Variants in PHF6 observed in about 807,000 individuals in gnomAD.
PHF6 encodes PHD-like zinc finger protein.
PHF6 carries 7 observed loss-of-function variants against 34.0 expected under a neutral mutation model. That is an observed-to-expected ratio of 0.21 (90% CI 0.12 to 0.39). The LOEUF (loss-of-function observed/expected upper bound fraction) is 0.39. Ranked by LOEUF, PHF6 falls within the 10% of genes least tolerant of loss-of-function variation. The pLI, the probability that PHF6 is intolerant of heterozygous loss-of-function variation, is 1.00. For missense variants in PHF6, 128 were observed against 262.8 expected (o/e 0.49, Z 3.55); for synonymous variants, 89 against 88.4 (o/e 1.01, Z -0.04).
intron 9 of PHF6, among the ~76,000 whole-genome samples, chrX:134,422,349 A>G (rs1347166635): frequency 8.9e-6 from 1 of 112,231 alleles, no homozygotes; most frequent in Non-Finnish European, 1.9e-5. Flanking sequence ...TTCAGTGACA[A>G]AACAAAAATA....
intron 3 of PHF6, among the ~76,000 whole-genome samples, chrX:134,387,889 GTGAC>G (rs1355324185): frequency 9.0e-6 from 1 of 111,682 alleles, no homozygotes; most frequent in African/African-American, 3.2e-5. Context: ...TCACTTTTCA[GTGAC>G]TGACAGCTTT....
intron 4 of PHF6, 98 bp from the exon 5 acceptor site, chrX:134,393,811 C>A: frequency 2.4e-6 from 2 of 827,199 alleles, no homozygotes; most frequent in Non-Finnish European, 3.6e-6. Flanking sequence ...TTGAATCCAG[C>A]TAGTGAATTG....
chrX:134,413,822 G>T lies in PHF6; in HGVS notation c.586-1G>T. 1 of 1,210,953 alleles carries T rather than the reference G, an allele frequency of 8.3e-7. No homozygotes were observed. ...GTTCGTTTTTTCTTTTACATTTGCA[G>T]AGAGATAGGTCTCCACACAGAAGCA... On this transcript the variant is annotated splice_acceptor_variant, in intron 6 of 10. Coordinates refer to ENST00000370803, the MANE Select transcript of PHF6 (RefSeq NM_001015877.2). LOFTEE classifies it high-confidence loss of function.
chrX:134,416,816 C>T (rs767805269), intron 8 of PHF6, among the ~76,000 whole-genome samples: 1 of 111,392 alleles, frequency 9.0e-6, no homozygotes, highest in African/African-American at 3.3e-5. Flanking sequence ...TTATTCTTTC[C>T]CCTAATCATA....
chrX:134,384,942 C>G lies in PHF6; in HGVS notation c.240+6836C>G, dbSNP rs770887652. Among the ~76,000 whole-genome samples, 181 of 111,810 alleles carry G rather than the reference C, an allele frequency of 1.6e-3. 1 individual carries two copies. The highest frequency in any genetic ancestry group is 5.2e-3 in the South Asian group (14 of 2,718). On this transcript the variant is annotated intron_variant, in intron 3 of 10. Transcript: ENST00000370803. ...CTGGGATTACAGGCGTGAGCCACTG[C>G]GCCCAGCCTGCCTTTTCTTTCTTAA...
Position 134,413,869 on chromosome X carries a change from A to G in PHF6, c.632A>G (p.Lys211Arg), listed in dbSNP as rs768181706. Reference protein sequence around the residue: ...HRSSPSDTRPKCGFCHVGEEE... With the variant: ...HRSSPSDTRPRCGFCHVGEEE... ...AGCAGCCCTAGTGACACCAGGCCTA[A>G]ATGTGGATTTTGCCATGTAGGGGAG... Residue 211 changes from lysine to arginine, a missense_variant, in exon 7 of 11, where the codon AAA becomes AGA. Lys to Arg is a conservative substitution (Grantham distance 26, BLOSUM62 2). Around this residue, in one of 3 missense-constraint regions of PHF6, gnomAD observed 97 missense variants for 152.9 expected, o/e 0.63. Transcript: ENST00000370803. 3.3e-6 allele frequency: 4 copies of G among 1,208,832 alleles called. No individual in the cohort carries two copies.
intron 5 of PHF6, among the ~76,000 whole-genome samples, chrX:134,404,055 A>G (rs937823530): frequency 8.9e-6 from 1 of 112,043 alleles, no homozygotes; most frequent in Non-Finnish European, 1.9e-5. Flanking sequence ...ATCAAGGAGT[A>G]CTTTGGACTT....
chrX:134,404,973 C>T (rs781346131), intron 5 of PHF6, among the ~76,000 whole-genome samples: 5 of 111,521 alleles, frequency 4.5e-5, no homozygotes, highest in African/African-American at 1.3e-4. Context: ...TGCTTTATTG[C>T]GATAACTTGC....
chrX:134,380,128 G>A (rs1267993934), intron 3 of PHF6, among the ~76,000 whole-genome samples: 1 of 109,381 alleles, frequency 9.1e-6, no homozygotes, highest in Non-Finnish European at 1.9e-5. Flanking sequence ...GAAGTTCAGT[G>A]GAGATTTAAT....
rs756479196 is a variant in PHF6, at chrX:134,426,206, T to C, written c.*546T>C. 39 of 158,479 alleles carry C rather than the reference T, an allele frequency of 2.5e-4. No homozygotes were observed. The Admixed American group carries it at 3.0e-3, about 12-fold the overall frequency. 13.1% of individuals were successfully genotyped at this position (158,479 alleles called of 1,213,427 possible). ...CCAAGAAGTATGCTAAAGCTTTTCA[T>C]TTGGTTCCTGTTAAAGTTGTTCTCA... is the stretch of plus-strand genomic sequence containing the variant. On this transcript the variant is annotated 3_prime_UTR_variant, in exon 11 of 11. Coordinates refer to ENST00000370803, the MANE Select transcript of PHF6 (RefSeq NM_001015877.2).
intron 3 of PHF6, among the ~76,000 whole-genome samples, chrX:134,384,630 TTTTCTTCTTTCTTTC>T (rs1199916162): frequency 4.9e-5 from 4 of 81,908 alleles, no homozygotes; most frequent in African/African-American, 1.6e-4. Context: ...TATCTCTGCC[TTTTCTTCTTTCTTTC>T]TTTCTTTCTT....
chrX:134,425,459 A>G, intron 10 of PHF6, 129 bp downstream of exon 10: 1 of 825,966 alleles, frequency 1.2e-6, no homozygotes, highest in Non-Finnish European at 1.8e-6. Context: ...ATGTTACTAA[A>G]ATGCTGAGGA....
intron 5 of PHF6, among the ~76,000 whole-genome samples, chrX:134,407,792 A>C (rs1377943361): frequency 9.0e-5 from 10 of 111,037 alleles, no homozygotes; most frequent in Non-Finnish European, 1.9e-4. Flanking sequence ...TTATACACTG[A>C]GGTTGAGAAA....
At chrX:134,383,436 A>G (rs1420065423) in intron 3 of PHF6, among the ~76,000 whole-genome samples, 3 of 110,589 alleles carry the variant, frequency 2.7e-5, no homozygotes, top group Non-Finnish European at 5.7e-5. Context: ...TAAATATTTG[A>G]GTTTTTTTTT....
chrX:134,401,416 A>T (rs1569340208), intron 5 of PHF6, among the ~76,000 whole-genome samples: 1 of 111,570 alleles, frequency 9.0e-6, no homozygotes, highest in Admixed American at 9.6e-5. Context: ...TGAGACTAAT[A>T]AATATATAAT....
intron 3 of PHF6, among the ~76,000 whole-genome samples, chrX:134,382,566 C>CTTTTT (rs377670545): frequency 7.1e-5 from 6 of 84,586 alleles, no homozygotes; most frequent in Admixed American, 4.2e-4. Context: ...AGCTATTCTT[C>CTTTTT]TTTTTTTTTT....
chrX:134,385,200 T>C (rs1183431229), intron 3 of PHF6, among the ~76,000 whole-genome samples: 1 of 111,304 alleles, frequency 9.0e-6, no homozygotes. Flanking sequence ...AAGCATCCTG[T>C]CTCTGTCCCC....
chrX:134,373,922 G>T (rs1355373808), intron 1 of PHF6, among the ~76,000 whole-genome samples: 1 of 106,803 alleles, frequency 9.4e-6, no homozygotes, highest in African/African-American at 3.4e-5. Context: ...TTACAACGAA[G>T]ACTGTGAGAG....
At chrX:134,399,277 T>C (rs998542704) in intron 5 of PHF6, among the ~76,000 whole-genome samples, 1 of 111,386 alleles carries the variant, frequency 9.0e-6, no homozygotes, top group Non-Finnish European at 1.9e-5. Context: ...CGTATTGATA[T>C]GCACCTCGAT....
Sources: allele counts gnomAD v4.1 joint callset (sites outside exome capture counted in the v4.1 genomes callset), GRCh38; gene constraint gnomAD v4.1.1; regional missense constraint gnomAD v4.1.1; transcripts MANE v1.5; gene names NCBI Gene and HGNC (gene_info 2026-07-23, HGNC 2026-07-21).